The following PI4KA variants were observed in gnomAD, a reference collection of about 807,000 sequenced individuals.
The protein encoded by PI4KA is phosphatidylinositol 4-kinase alpha.
PI4KA carries 122 observed loss-of-function variants against 271.4 expected under a neutral mutation model. The observed-to-expected ratio is 0.45, with a 90% CI of 0.39 to 0.52. The LOEUF is 0.52. PI4KA is among the 20% of genes least tolerant of loss of function. The pLI, the probability that PI4KA is intolerant of heterozygous loss-of-function variation, is 0.00. For missense variants in PI4KA, 1,969 were observed against 2,769.1 expected (o/e 0.71, Z 6.48); for synonymous variants, 1,041 against 1,078.8 (o/e 0.96, Z 0.69).
At chr22:20,779,957 G>A (rs1334054862) in intron 19 of PI4KA, 2 of 1,614,062 alleles carry the variant, frequency 1.2e-6, no homozygotes, top group Non-Finnish European at 1.7e-6. Flanking sequence ...GGAATTTTGG[G>A]TACACACTGC....
At chr22:20,858,023 G>A (rs749106102) in intron 1 of PI4KA, among the ~76,000 whole-genome samples, 12 of 152,120 alleles carry the variant, frequency 7.9e-5, no homozygotes, top group Admixed American at 3.9e-4. Flanking sequence ...CAGCCTCGTA[G>A]AATAACACTG....
intron 22 of PI4KA, among the ~76,000 whole-genome samples, chr22:20,764,322 G>A (rs1167728287): frequency 1.3e-5 from 2 of 152,218 alleles, no homozygotes. Context: ...GATAACAGCT[G>A]TAGATCCTAA....
chr22:20,752,014 G>C (rs1313825412), intron 25 of PI4KA, among the ~76,000 whole-genome samples: 2 of 152,156 alleles, frequency 1.3e-5, no homozygotes, highest in African/African-American at 4.8e-5. Context: ...CAACTGCCTT[G>C]GTTATGCACT....
chr22:20,776,403 G>C (rs951014880), intron 19 of PI4KA, among the ~76,000 whole-genome samples: 2 of 152,216 alleles, frequency 1.3e-5, no homozygotes, highest in Non-Finnish European at 2.9e-5. Flanking sequence ...GCCTGAGGCA[G>C]GTGCTGAGAT....
intron 19 of PI4KA, among the ~76,000 whole-genome samples, chr22:20,783,724 G>A (rs2147503764): frequency 6.6e-6 from 1 of 152,290 alleles, no homozygotes; most frequent in Middle Eastern, 3.4e-3. Context: ...GCCTTACCAT[G>A]GTCAAACAAC....
At chr22:20,779,108 T>TC in intron 19 of PI4KA, 1 of 1,334,556 alleles carries the variant, frequency 7.5e-7, no homozygotes, top group East Asian at 2.6e-5. Flanking sequence ...GGTTTATGAG[T>TC]CCCACATCAA....
At chr22:20,798,839 C>A in intron 16 of PI4KA, 152 bp from the exon 17 acceptor site, 2 of 646,104 alleles carry the variant, frequency 3.1e-6, no homozygotes, top group East Asian at 2.7e-5. Flanking sequence ...TTTAATCAAA[C>A]CTCAAATTAA....
intron 10 of PI4KA, among the ~76,000 whole-genome samples, chr22:20,807,013 G>A (rs1013519635): frequency 6.6e-6 from 1 of 152,114 alleles, no homozygotes; most frequent in South Asian, 2.1e-4. Flanking sequence ...GGGATTATAC[G>A]CATAAGCCAC....
At chr22:20,751,898 T>A (rs1055133971) in intron 25 of PI4KA, 143 bp from the exon 26 acceptor site, 2 of 691,198 alleles carry the variant, frequency 2.9e-6, no homozygotes, top group African/African-American at 3.5e-5. Context: ...TGCAGCAGGA[T>A]GCCTGGCCTC....
chr22:20,783,381 G>C (rs1933945246), intron 19 of PI4KA, among the ~76,000 whole-genome samples: 1 of 151,404 alleles, frequency 6.6e-6, no homozygotes, highest in South Asian at 2.1e-4. Context: ...AGGATTGCTT[G>C]AGGCCAAGGG....
At chr22:20,791,912 C>A (rs1325310794) in intron 19 of PI4KA, among the ~76,000 whole-genome samples, 1 of 152,012 alleles carries the variant, frequency 6.6e-6, no homozygotes, top group African/African-American at 2.4e-5. Flanking sequence ...ACCAGCCTGG[C>A]CAACATGGTG....
chr22:20,729,751 C>T, intron 37 of PI4KA, 40 bp from the exon 38 acceptor site: 1 of 1,570,158 alleles, frequency 6.4e-7, no homozygotes, highest in Non-Finnish European at 8.7e-7. Flanking sequence ...TCCTCAGATG[C>T]TACCTGTCTG....
At chr22:20,816,093 C>A (rs866702324) in intron 7 of PI4KA, among the ~76,000 whole-genome samples, 3 of 152,064 alleles carry the variant, frequency 2.0e-5, no homozygotes, top group Non-Finnish European at 4.4e-5. Context: ...GTGTGAGCCA[C>A]TGCACCCGGC....
At chr22:20,780,528 G>C (rs373448962) in intron 19 of PI4KA, among the ~76,000 whole-genome samples, 1 of 152,198 alleles carries the variant, frequency 6.6e-6, no homozygotes, top group Non-Finnish European at 1.5e-5. Context: ...AGCACTTTGG[G>C]AGGCCGAGGC....
Position 20,796,431 on chromosome 22 carries a change from C to T in PI4KA, c.2109-117G>A, listed in dbSNP as rs1407285421. The T allele has an allele frequency of 4.8e-6, 4 of 825,786 alleles. No homozygotes were observed. The African/African-American group carries it at 5.1e-5, about 11-fold the overall frequency. 51.2% of individuals were successfully genotyped at this position (825,786 alleles called of 1,614,324 possible). On this transcript the variant is annotated intron_variant, in intron 17 of 54. Coordinates refer to ENST00000255882, the MANE Select transcript of PI4KA (RefSeq NM_058004.4). Reference sequence around the variant, plus strand: ...CAGGCCCAGCCTGCCTTACCACACTCCTCCCAGTGTCTGTAAACCAAAGAA... The same window carrying T: ...CAGGCCCAGCCTGCCTTACCACACTTCTCCCAGTGTCTGTAAACCAAAGAA...
chr22:20,807,101 A>G (rs1338897814), intron 10 of PI4KA, among the ~76,000 whole-genome samples: 1 of 152,244 alleles, frequency 6.6e-6, no homozygotes, highest in East Asian at 1.9e-4. Flanking sequence ...GGACAATATA[A>G]CATGCACATT....
intron 39 of PI4KA, 129 bp downstream of exon 39, chr22:20,729,184 T>G (rs960888955): frequency 5.3e-6 from 4 of 752,636 alleles, no homozygotes; most frequent in Non-Finnish European, 8.5e-6. Flanking sequence ...GCTCGAGGAC[T>G]AGACTACTTC....
intron 22 of PI4KA, among the ~76,000 whole-genome samples, chr22:20,763,955 T>C (rs1003114219): frequency 6.6e-6 from 1 of 152,176 alleles, no homozygotes; most frequent in Non-Finnish European, 1.5e-5. Context: ...TCAAGGACTA[T>C]TTTACTAGAG....
intron 42 of PI4KA, chr22:20,721,900 T>A (rs1926776431): frequency 6.1e-6 from 1 of 162,776 alleles, no homozygotes; most frequent in Non-Finnish European, 1.4e-5. Flanking sequence ...TGAATTGTAA[T>A]CCTCAGGTGT....
Sources: gnomAD v4.1 joint callset for allele counts (sites outside exome capture counted in the v4.1 genomes callset) on GRCh38, gnomAD v4.1.1 for gene constraint, MANE v1.5 for transcripts, NCBI Gene and HGNC (gene_info 2026-07-23, HGNC 2026-07-21) for gene names.